The following UBASH3A variants were observed in gnomAD, a reference collection of about 807,000 sequenced individuals.
UBASH3A encodes ubiquitin-associated and SH3 domain-containing protein A.
In UBASH3A, 63 loss-of-function variants were observed where a neutral mutation model predicts 73.5. The ratio of observed to expected loss-of-function variants is 0.86; its 90% CI spans 0.70 to 1.06. The LOEUF (loss-of-function observed/expected upper bound fraction) is 1.06. Among genes scored for constraint, UBASH3A ranks in the 50% least tolerant of loss-of-function variants. The pLI, the probability that UBASH3A is intolerant of heterozygous loss-of-function variation, is 0.00. For missense variants in UBASH3A, 860 were observed against 859.0 expected (o/e 1.00, Z -0.02); for synonymous variants, 363 against 351.1 (o/e 1.03, Z -0.38).
At position 42,418,406 on chromosome 21, in the gene UBASH3A, G is replaced by A. The variant is rs1418294376; in HGVS notation, c.843G>A (p.Leu281=). 17 of 1,611,830 alleles carry A rather than the reference G, an allele frequency of 1.1e-5. No individual in the cohort carries two copies. The South Asian group carries it at 1.6e-4, about 16-fold the overall frequency. The change falls in exon 7 of 15, where the codon CTG becomes CTA. Residue 281 remains leucine (L), a synonymous_variant. Coordinates refer to ENST00000319294, the MANE Select transcript of UBASH3A (RefSeq NM_018961.4). ...CCCCTTTGCCTCTTTTCTAGACCCT[G>A]AGAGCCCTATTCCAGTACAAACCCC... ...RDMRFVHYQT[L]RALFQYKPQN... is the part of the protein sequence containing the mutation.
intron 7 of UBASH3A, among the ~76,000 whole-genome samples, chr21:42,423,635 G>T (rs893088400): frequency 1.3e-5 from 2 of 152,220 alleles, no homozygotes; most frequent in African/African-American, 4.8e-5. Flanking sequence ...TGCAGAAGAT[G>T]AGTCAGCGGC....
Position 42,442,402 on chromosome 21 carries a change from G to A in UBASH3A, c.1487-50G>A, listed in dbSNP as rs186211759. The A allele has an allele frequency of 1.3e-4, 214 of 1,595,604 alleles. No homozygotes were observed. The African/African-American group carries it at 2.8e-3, about 21-fold the overall frequency. On this transcript the variant is annotated intron_variant, in intron 11 of 14. Transcript: ENST00000319294. ...CTAAAAGGAGACTTATTTATGCAAA[G>A]TCAGGGTGGATGTTGAGGATGATAA... is the stretch of plus-strand genomic sequence containing the variant.
Position 42,432,711 on chromosome 21 carries a change from C to T in UBASH3A, c.1270+509C>T, listed in dbSNP as rs374014331. Among the ~76,000 whole-genome samples the T allele has an allele frequency of 2.8e-4, 43 of 152,260 alleles. No homozygotes were observed. In the East Asian group the frequency reaches 4.1e-3, roughly 14 times the overall value. Reference sequence around the variant, plus strand: ...ATTCACAGTTGCTAGGTTAGCCGAACCCTTTTGGGATCCCCCTCCAGAAGC... The same window carrying T: ...ATTCACAGTTGCTAGGTTAGCCGAATCCTTTTGGGATCCCCCTCCAGAAGC... On this transcript the variant is annotated intron_variant, in intron 9 of 14. Transcript: ENST00000319294.
intron 5 of UBASH3A, among the ~76,000 whole-genome samples, chr21:42,414,570 G>A (rs916721952): frequency 2.6e-5 from 4 of 152,206 alleles, no homozygotes; most frequent in Non-Finnish European, 4.4e-5. Context: ...GTGCAGATGC[G>A]ATTGGTTGGG....
intron 11 of UBASH3A, among the ~76,000 whole-genome samples, chr21:42,439,080 C>A (rs1284245120): frequency 6.6e-6 from 1 of 152,146 alleles, no homozygotes; most frequent in Non-Finnish European, 1.5e-5. Context: ...GACGCTCCCT[C>A]AGAGCACCTT....
rs2053813969 is a variant in UBASH3A, at chr21:42,444,577, C to T, written c.1782C>T (p.Ser594=). 6.2e-7 allele frequency: 1 copy of T among 1,614,024 alleles called. No individual in the cohort carries two copies. Among genetic ancestry groups the T allele is most frequent in the Admixed American group, 1.7e-5 (1 of 60,014 alleles). The part of the protein sequence containing the change: ...LIVSHGSTLD[S]CTRPLLGLPP... Reference sequence around the variant, plus strand: ...TGAGTCACGGCTCCACTCTGGACTCCTGCACGCGGCCACTGCTCGGGCTGC... The same window carrying T: ...TGAGTCACGGCTCCACTCTGGACTCTTGCACGCGGCCACTGCTCGGGCTGC... The change falls in exon 14 of 15, where the codon TCC becomes TCT. Residue 594 remains serine, a synonymous_variant. Coordinates refer to ENST00000319294, the MANE Select transcript of UBASH3A (RefSeq NM_018961.4).
At position 42,409,574 on chromosome 21, in the gene UBASH3A, T is replaced by C; in HGVS notation, c.320T>C (p.Val107Ala). 1 of 1,613,386 alleles carries C rather than the reference T, an allele frequency of 6.2e-7. No homozygotes were observed. Among genetic ancestry groups the C allele is most frequent in the South Asian group, 1.1e-5 (1 of 90,916 alleles). ...RQCAKNRAHEVFPHVTLCDFF... is the reference protein window; with the variant it reads ...RQCAKNRAHEAFPHVTLCDFF... ...TGTGCAAAGAACAGAGCTCATGAGGTCTTCCCACACGTGACACTCTGTGAC... is the reference window on the plus strand; with the variant it reads ...TGTGCAAAGAACAGAGCTCATGAGGCCTTCCCACACGTGACACTCTGTGAC... Residue 107 changes from valine (V) to alanine (A), a missense_variant, in exon 3 of 15, where the codon GTC (valine) becomes GCC (alanine). Coordinates refer to ENST00000319294, the MANE Select transcript of UBASH3A (RefSeq NM_018961.4).
In UBASH3A at chr21:42,435,360, CG is replaced by C. The variant is rs1429256286; in HGVS notation, c.1393+407del. 3 of 158,434 alleles carry C rather than the reference CG, an allele frequency of 1.9e-5. No homozygotes were observed. In the Admixed American group the frequency reaches 1.9e-4, roughly 10 times the overall value. 9.8% of individuals were successfully genotyped at this position (158,434 alleles called of 1,614,324 possible). A position where few individuals can be genotyped will look rare whatever the true frequency, so the allele number is the denominator to read the frequency against. On this transcript the variant is annotated intron_variant, in intron 10 of 14. Transcript: ENST00000319294. Reference sequence around the variant, plus strand: ...TTCATGTCTGGCGGTTCTGCTTCTACGTGACTGAGTTTATGTAAACAGAAGA... The same window carrying C: ...TTCATGTCTGGCGGTTCTGCTTCTACTGACTGAGTTTATGTAAACAGAAGA...
At chr21:42,409,206 C>G (rs559684730) in intron 2 of UBASH3A, among the ~76,000 whole-genome samples, 1 of 152,218 alleles carries the variant, frequency 6.6e-6, no homozygotes, top group African/African-American at 2.4e-5. Flanking sequence ...GAGAGCAGGA[C>G]TTACACTGAC....
intron 3 of UBASH3A, among the ~76,000 whole-genome samples, chr21:42,410,945 A>T (rs2053079841): frequency 6.6e-6 from 1 of 151,954 alleles, no homozygotes; most frequent in African/African-American, 2.4e-5. Flanking sequence ...AGACACAGAG[A>T]CGTACACACG....
chr21:42,414,522 G>C (rs193017575), intron 5 of UBASH3A, among the ~76,000 whole-genome samples: 2 of 152,202 alleles, frequency 1.3e-5, no homozygotes, highest in East Asian at 3.8e-4. Flanking sequence ...TTGTCCACCA[G>C]GAACTTGGGA....
intron 5 of UBASH3A, among the ~76,000 whole-genome samples, chr21:42,415,598 G>A (rs995454433): frequency 6.6e-5 from 10 of 152,186 alleles, no homozygotes; most frequent in African/African-American, 2.4e-4. Context: ...CACCGACACG[G>A]CGTCTCTAGC....
At position 42,442,576 on chromosome 21, in the gene UBASH3A, C is replaced by T. The variant is rs755407424; in HGVS notation, c.1611C>T (p.Phe537=). ...TGGAAGAGCTGAAAGAGGCAAATTT[C>T]AACATTGACACTGATTACAGGTATG... ...MSLEELKEAN[F]NIDTDYRPAF... Residue 537 remains phenylalanine, a synonymous_variant, in exon 12 of 15, where the codon TTC becomes TTT. Coordinates refer to ENST00000319294, the MANE Select transcript of UBASH3A (RefSeq NM_018961.4). 6.2e-7 allele frequency: 1 copy of T among 1,613,934 alleles called. No homozygotes were observed. Among genetic ancestry groups the T allele is most frequent in the East Asian group, 2.2e-5 (1 of 44,890 alleles).
chr21:42,440,293 G>C (rs1451054306), intron 11 of UBASH3A, among the ~76,000 whole-genome samples: 1 of 152,256 alleles, frequency 6.6e-6, no homozygotes, highest in Non-Finnish European at 1.5e-5. Context: ...TGAAGGGGCA[G>C]GGTCTCCGAG....
chr21:42,405,067 A>G (rs1453557702), intron 1 of UBASH3A, among the ~76,000 whole-genome samples: 1 of 152,176 alleles, frequency 6.6e-6, no homozygotes, highest in African/African-American at 2.4e-5. Flanking sequence ...TGGGTTGGGG[A>G]AGGAGCTAAA....
Position 42,444,609 on chromosome 21 carries a change from G to T in UBASH3A, c.1814G>T (p.Arg605Leu). The T allele has an allele frequency of 6.2e-7, 1 of 1,614,168 alleles. No individual in the cohort carries two copies. The change falls in exon 14 of 15, where the codon CGG (arginine) becomes CTG (leucine). Residue 605 changes from arginine to leucine, a missense_variant. Physicochemically the swap from Arg to Leu is moderately radical, Grantham distance 102. Transcript: ENST00000319294. ...CGGCCACTGCTCGGGCTGCCGCCCCGGGAATGTGGGGATTTTGCCCAACTC... is the reference window on the plus strand; with the variant it reads ...CGGCCACTGCTCGGGCTGCCGCCCCTGGAATGTGGGGATTTTGCCCAACTC... ...CTRPLLGLPP[R>L]ECGDFAQLVR...
At chr21:42,439,468 G>A (rs2053689782) in intron 11 of UBASH3A, among the ~76,000 whole-genome samples, 1 of 152,066 alleles carries the variant, frequency 6.6e-6, no homozygotes, top group Admixed American at 6.5e-5. Context: ...CTCTCAATGA[G>A]CCAGATGAAG....
intron 13 of UBASH3A, 45 bp from the exon 14 acceptor site, chr21:42,444,489 C>A: frequency 1.4e-6 from 2 of 1,447,594 alleles, no homozygotes; most frequent in Non-Finnish European, 1.9e-6. Context: ...ATAAAAGGTG[C>A]TCTCTGGGGC....
chr21:42,417,878 C>CTTTTTT (rs796939696), intron 6 of UBASH3A, among the ~76,000 whole-genome samples: 121 of 90,528 alleles, frequency 1.3e-3, no homozygotes, highest in Non-Finnish European at 2.0e-3. Flanking sequence ...TTCTTTTTTT[C>CTTTTTT]TTTTTTTTTT....
Sources: gnomAD v4.1 joint callset for allele counts (sites outside exome capture counted in the v4.1 genomes callset) on GRCh38, gnomAD v4.1.1 for gene constraint, MANE v1.5 for transcripts, NCBI Gene and HGNC (gene_info 2026-07-23, HGNC 2026-07-21) for gene names.